Variants in PPP1R9A observed in about 807,000 individuals in gnomAD.
The protein encoded by PPP1R9A is protein phosphatase 1 regulatory subunit 9A.
PPP1R9A carries 59 observed loss-of-function variants against 141.9 expected under a neutral mutation model. The ratio of observed to expected loss-of-function variants is 0.42; its 90% CI spans 0.34 to 0.52. The LOEUF (loss-of-function observed/expected upper bound fraction) is 0.52, where lower values mean the gene tolerates loss of function less well. PPP1R9A is among the 20% of genes least tolerant of loss of function. The pLI is 0.10. For synonymous variants in PPP1R9A, 500 were observed against 569.7 expected, an observed-to-expected ratio of 0.88 and a Z score of 1.74; for missense variants, 1,444 against 1,611.9, an observed-to-expected ratio of 0.90 and a Z score of 1.78.
intron 2 of PPP1R9A, among the ~76,000 whole-genome samples, chr7:94,963,161 A>G (rs1797824100): frequency 1.3e-5 from 2 of 152,248 alleles, no homozygotes; most frequent in South Asian, 4.1e-4. Context: ...TTTAATATGG[A>G]AACTTCTTTG....
chr7:95,109,780 G>T (rs1194266648), intron 2 of PPP1R9A, among the ~76,000 whole-genome samples: 4 of 151,552 alleles, frequency 2.6e-5, no homozygotes, highest in African/African-American at 7.3e-5. Context: ...GAAAGCAGAA[G>T]CTACAGTGAG....
Position 95,111,499 on chromosome 7 carries a change from C to G in PPP1R9A, c.1528+108C>G. 6 of 1,079,484 alleles carry G rather than the reference C, an allele frequency of 5.6e-6. No individual in the cohort carries two copies. In the South Asian group the frequency reaches 1.1e-4, roughly 19 times the overall value. The allele number at this position is 1,079,484 out of a possible 1,614,324, so 66.9% of individuals were successfully genotyped here. A position where few individuals can be genotyped will look rare whatever the true frequency, so the allele number is the denominator to read the frequency against. Reference sequence around the variant, plus strand: ...CTAAGGATTGGATAAAATTTTAATTCTAACAGAGGATCTTATTTATTAAGT... The same window carrying G: ...CTAAGGATTGGATAAAATTTTAATTGTAACAGAGGATCTTATTTATTAAGT... On this transcript the variant is annotated intron_variant, in intron 3 of 19. Coordinates refer to ENST00000433360, the MANE Select transcript of PPP1R9A (RefSeq NM_001166160.2).
intron 2 of PPP1R9A, among the ~76,000 whole-genome samples, chr7:94,915,748 A>T (rs1007949682): frequency 1.6e-4 from 24 of 152,154 alleles, no homozygotes; most frequent in African/African-American, 5.1e-4. Flanking sequence ...CTTCCCCATT[A>T]ATGATGTGGT....
intron 2 of PPP1R9A, among the ~76,000 whole-genome samples, chr7:94,966,329 C>T (rs1798210478): frequency 1.3e-5 from 2 of 151,466 alleles, no homozygotes; most frequent in South Asian, 4.1e-4. Flanking sequence ...TTCTTTCTGC[C>T]CTGGCCAGAA....
intron 2 of PPP1R9A, among the ~76,000 whole-genome samples, chr7:95,074,075 A>T (rs1222273582): frequency 6.6e-6 from 1 of 152,152 alleles, no homozygotes; most frequent in Admixed American, 6.6e-5. Flanking sequence ...TGGGAAAGTT[A>T]TTTCACATCT....
At chr7:95,224,367 C>G (rs934910115) in intron 7 of PPP1R9A, among the ~76,000 whole-genome samples, 4 of 152,258 alleles carry the variant, frequency 2.6e-5, no homozygotes, top group Middle Eastern at 3.4e-3. Flanking sequence ...CTTCTGTACA[C>G]AGATGCCACC....
chr7:95,109,765 G>C (rs1820212523), intron 2 of PPP1R9A, among the ~76,000 whole-genome samples: 1 of 151,444 alleles, frequency 6.6e-6, no homozygotes, highest in Non-Finnish European at 1.5e-5. Context: ...AATTACTTGA[G>C]CTCAGAAAGC....
intron 2 of PPP1R9A, among the ~76,000 whole-genome samples, chr7:94,951,503 T>G (rs900223519): frequency 5.3e-5 from 8 of 152,180 alleles, no homozygotes; most frequent in African/African-American, 1.9e-4. Context: ...TATAATCATA[T>G]AAGATTTCTC....
intron 10 of PPP1R9A, among the ~76,000 whole-genome samples, chr7:95,251,251 T>A (rs1024089646): frequency 2.0e-5 from 3 of 152,216 alleles, no homozygotes; most frequent in African/African-American, 7.2e-5. Context: ...AAAATGGAAC[T>A]GTTTCTCTTC....
chr7:95,073,266 A>C (rs1225430378), intron 2 of PPP1R9A, among the ~76,000 whole-genome samples: 1 of 151,952 alleles, frequency 6.6e-6, no homozygotes. Context: ...GATTACAGGC[A>C]TGAGCCACTC....
At chr7:94,940,841 A>T (rs1216404202) in intron 2 of PPP1R9A, among the ~76,000 whole-genome samples, 1 of 152,080 alleles carries the variant, frequency 6.6e-6, no homozygotes, top group Admixed American at 6.6e-5. Context: ...AAATTAGAAC[A>T]CTTAAAAAAT....
At chr7:95,093,508 A>C (rs2152351609) in intron 2 of PPP1R9A, among the ~76,000 whole-genome samples, 1 of 152,322 alleles carries the variant, frequency 6.6e-6, no homozygotes, top group Non-Finnish European at 1.5e-5. Context: ...ATTTTATTTT[A>C]GCATTTCAAA....
rs922121507 is a variant in PPP1R9A at position 95,292,487 on chromosome 7, A to G, written c.*2184A>G. ...TGGTAATATTTGAAAATGGATGTAT[A>G]TACTGGAAATGTCTGTAAGTGTCTT... is the stretch of plus-strand genomic sequence containing the variant. On this transcript the variant is annotated 3_prime_UTR_variant, in exon 20 of 20. Transcript: ENST00000433360. The G allele has an allele frequency of 2.0e-5, 3 of 152,622 alleles. No individual in the cohort carries two copies. The highest frequency in any genetic ancestry group is 2.9e-5 in the Non-Finnish European group (2 of 68,034). The allele number at this position is 152,622 out of a possible 1,614,324, so 9.5% of individuals were successfully genotyped here. A position where few individuals can be genotyped will look rare whatever the true frequency, so the allele number is the denominator to read the frequency against.
chr7:94,913,457 C>A (rs1471043352), intron 2 of PPP1R9A, among the ~76,000 whole-genome samples: 1 of 152,000 alleles, frequency 6.6e-6, no homozygotes, highest in Non-Finnish European at 1.5e-5. Flanking sequence ...AATAAGATTT[C>A]TAAAACAAAT....
chr7:95,296,366 T>C lies in PPP1R9A; in HGVS notation c.*6063T>C, dbSNP rs1029885772. ...ATTTCTTGCCAATGAGTATTATTGT[T>C]GTTAGACAACGAATGCAATAAAAAG... is the stretch of plus-strand genomic sequence containing the variant. On this transcript the variant is annotated 3_prime_UTR_variant, in exon 20 of 20. Coordinates refer to ENST00000433360, the MANE Select transcript of PPP1R9A (RefSeq NM_001166160.2). 2 of 152,682 alleles carry C rather than the reference T, an allele frequency of 1.3e-5. No homozygotes were observed. Among genetic ancestry groups the C allele is most frequent in the Non-Finnish European group, 2.9e-5 (2 of 68,042 alleles). The allele number at this position is 152,682 out of a possible 1,614,324, so 9.5% of individuals were successfully genotyped here.
At chr7:95,124,659 A>G (rs1039961754) in intron 4 of PPP1R9A, among the ~76,000 whole-genome samples, 2 of 151,948 alleles carry the variant, frequency 1.3e-5, no homozygotes, top group African/African-American at 4.8e-5. Flanking sequence ...TAGCCTTGAA[A>G]GGATAAGATT....
At chr7:95,195,034 A>G (rs979161577) in intron 5 of PPP1R9A, among the ~76,000 whole-genome samples, 9 of 152,220 alleles carry the variant, frequency 5.9e-5, no homozygotes, top group African/African-American at 2.2e-4. Context: ...CACCACCTAA[A>G]TATTTATTAT....
chr7:95,188,423 A>T (rs1834964568), intron 5 of PPP1R9A, among the ~76,000 whole-genome samples: 1 of 151,952 alleles, frequency 6.6e-6, no homozygotes, highest in South Asian at 2.1e-4. Flanking sequence ...TGGTTGGTGG[A>T]TTTTTAATCC....
intron 2 of PPP1R9A, among the ~76,000 whole-genome samples, chr7:94,977,226 A>G (rs1315865541): frequency 6.6e-6 from 1 of 152,096 alleles, no homozygotes; most frequent in Non-Finnish European, 1.5e-5. Flanking sequence ...GGTTGAAGAG[A>G]AATTTGGCAG....
Sources: gnomAD v4.1 joint callset for allele counts (sites outside exome capture counted in the v4.1 genomes callset) on GRCh38, gnomAD v4.1.1 for gene constraint, MANE v1.5 for transcripts, NCBI Gene and HGNC (gene_info 2026-07-23, HGNC 2026-07-21) for gene names.